SEZ6L2: variants seen among roughly 807,000 people sequenced by gnomAD.
The protein encoded by SEZ6L2 is seizure 6-like protein 2.
In SEZ6L2, 44 loss-of-function variants were observed where a neutral mutation model predicts 97.0. The observed-to-expected ratio is 0.45, with a 90% CI of 0.36 to 0.58. SEZ6L2 has a LOEUF of 0.58. Among genes scored for constraint, SEZ6L2 ranks in the 20% least tolerant of loss-of-function variants. The probability of loss-of-function intolerance (pLI) is 0.00; values close to 1 mark genes in which losing one functional copy is unlikely to be tolerated. For missense variants in SEZ6L2, 1,086 were observed against 1,233.3 expected (o/e 0.88, Z 1.79); for synonymous variants, 543 against 546.1 (o/e 0.99, Z 0.08).
chr16:29,893,373 G>A (rs186078879), intron 5 of SEZ6L2, among the ~76,000 whole-genome samples: 39 of 151,414 alleles, frequency 2.6e-4, no homozygotes, highest in African/African-American at 8.2e-4. Flanking sequence ...GAGGCCTGGC[G>A]TGGTGGCTCA....
chr16:29,887,323 C>A (rs2068164509), intron 7 of SEZ6L2, among the ~76,000 whole-genome samples: 1 of 148,548 alleles, frequency 6.7e-6, no homozygotes, highest in African/African-American at 2.5e-5. Context: ...TTTTTTGAGA[C>A]GGAGTCTCAT....
Position 29,895,346 on chromosome 16 carries a change from C to T in SEZ6L2, c.766G>A (p.Val256Ile), listed in dbSNP as rs1218118015. 1.1e-5 allele frequency: 18 copies of T among 1,614,186 alleles called. No homozygotes were observed. Among genetic ancestry groups the T allele is most frequent in the Non-Finnish European group, 1.5e-5 (18 of 1,180,044 alleles). ...AGCCGGTTGGTTGGGCTCCGAAGGA[C>T]TTGTCCTTCTCCAAGCATGGATGAG... ...ANSSMLGEGQ[V>I]LRSPTNRLLL... The change falls in exon 5 of 18, where the codon GTC becomes ATC. Residue 256 changes from valine to isoleucine, a missense_variant. By Grantham distance (29) the Val-to-Ile change is conservative. Transcript: ENST00000617533.
At chr16:29,880,769 T>A (rs866320326) in intron 8 of SEZ6L2, among the ~76,000 whole-genome samples, 37 of 151,176 alleles carry the variant, frequency 2.4e-4, no homozygotes, top group Non-Finnish European at 2.2e-4. Context: ...GGTTTTTTTT[T>A]AATTTTTTTA....
At chr16:29,881,458 A>C (rs989347998) in intron 8 of SEZ6L2, among the ~76,000 whole-genome samples, 70 of 152,202 alleles carry the variant, frequency 4.6e-4, no homozygotes, top group African/African-American at 1.7e-3. Context: ...CTGTTGCTGA[A>C]ACCCAAAATT....
At chr16:29,874,565 T>TGG (rs1440827182) in intron 12 of SEZ6L2, among the ~76,000 whole-genome samples, 7 of 95,160 alleles carry the variant, frequency 7.4e-5, no homozygotes, top group East Asian at 5.4e-4. Flanking sequence ...TTTTTTTTTT[T>TGG]TTTTTTTTTT....
At chr16:29,872,562 G>C (rs892004028) in intron 15 of SEZ6L2, 36 bp from the exon 16 acceptor site, 2 of 1,608,418 alleles carry the variant, frequency 1.2e-6, no homozygotes, top group Admixed American at 3.3e-5. Context: ...GCTGTGGCTG[G>C]GCCCGGTCCT....
chr16:29,871,573 A>T lies in SEZ6L2; in HGVS notation c.*126T>A. 1 of 930,810 alleles carries T rather than the reference A, an allele frequency of 1.1e-6. No homozygotes were observed. 57.7% of individuals were successfully genotyped at this position (930,810 alleles called of 1,614,324 possible). The stretch of plus-strand genomic sequence containing the variant: ...AGGGCCATCAAAGCCCCCTCGTGGG[A>T]TAGGGAGACTATTTACACAGCCAGG... On this transcript the variant is annotated 3_prime_UTR_variant, in exon 18 of 18. Transcript: ENST00000617533.
At chr16:29,887,514 G>A (rs1281703921) in intron 7 of SEZ6L2, 135 bp downstream of exon 7, 24 of 660,816 alleles carry the variant, frequency 3.6e-5, no homozygotes, top group South Asian at 2.4e-4. Flanking sequence ...GGGTTTCACC[G>A]TGTTAGCCAG....
chr16:29,890,468 G>A (rs989622487), intron 5 of SEZ6L2, among the ~76,000 whole-genome samples: 7 of 152,158 alleles, frequency 4.6e-5, no homozygotes, highest in Non-Finnish European at 1.0e-4. Flanking sequence ...CCCTTCCATA[G>A]TTAAATGCAG....
Position 29,873,372 on chromosome 16 carries a change from T to G in SEZ6L2, c.2356A>C (p.Lys786Gln), listed in dbSNP as rs1443529731. 1.2e-6 allele frequency: 2 copies of G among 1,614,214 alleles called. No homozygotes were observed. Among genetic ancestry groups the G allele is most frequent in the Non-Finnish European group, 8.5e-7 (1 of 1,180,034 alleles). ...GACTCGCCCGCCTGGTAGTGGTGCT[T>G]GTACAGCGTCTGGTAGCCATTCTCG... ...VPENGYQTLY[K>Q]HHYQAGESLR... is the part of the protein sequence containing the mutation. The change falls in exon 14 of 18, where the codon AAG (lysine) becomes CAG (glutamine). Residue 786 changes from lysine (K) to glutamine (Q), a missense_variant. This residue lies in a region of SEZ6L2 where 310 missense variants were observed against 438.6 expected (regional missense o/e 0.71). Transcript: ENST00000617533. The surrounding 1 kb of genome is among the most constrained non-coding windows in gnomAD (Gnocchi z 4.3).
Position 29,877,470 on chromosome 16 carries a change from G to T in SEZ6L2, c.1713-3C>A. On this transcript the variant is annotated splice_polypyrimidine_tract_variant and splice_region_variant and intron_variant, in intron 10 of 17. Transcript: ENST00000617533. ...TGTCCCCTTCCCGCACATTCAATCT[G>T]CAGGGGGTGAGACCAGGCAATGGGG... 6.9e-6 allele frequency: 11 copies of T among 1,584,860 alleles called. No homozygotes were observed. In the South Asian group the frequency reaches 1.0e-4, roughly 15 times the overall value.
At chr16:29,898,090 A>C (rs369896434) in intron 1 of SEZ6L2, 106 bp from the exon 2 acceptor site, 24 of 1,519,794 alleles carry the variant, frequency 1.6e-5, no homozygotes, top group African/African-American at 1.1e-4. Context: ...CTGGGCCTGC[A>C]GGGGCTCAGA....
At position 29,897,052 on chromosome 16, in the gene SEZ6L2, C is replaced by G; in HGVS notation, c.281G>C (p.Arg94Pro). ...AGGCCCTGTCCCCGGCTCAGTGGCC[C>G]GTGGCAGGGAGGGCACTGCGAGAGT... ...GQTLAVPSLP[R>P]ATEPGTGPLT... Residue 94 changes from arginine to proline, a missense_variant, in exon 3 of 18, where the codon CGG becomes CCG. Physicochemically the swap from Arg to Pro is moderately radical, Grantham distance 103. Around this residue, in one of 2 missense-constraint regions of SEZ6L2, gnomAD observed 776 missense variants for 794.7 expected, o/e 0.98. Transcript: ENST00000617533. 6.3e-7 allele frequency: 1 copy of G among 1,580,952 alleles called. No individual in the cohort carries two copies. The highest frequency in any genetic ancestry group is 8.5e-7 in the Non-Finnish European group (1 of 1,170,838).
chr16:29,880,263 A>G, intron 8 of SEZ6L2, among the ~76,000 whole-genome samples, 199 bp from the exon 9 acceptor site: 1 of 151,762 alleles, frequency 6.6e-6, no homozygotes, highest in South Asian at 2.1e-4. Flanking sequence ...TCCAGGTTCA[A>G]GCAATTCTCA....
intron 5 of SEZ6L2, among the ~76,000 whole-genome samples, chr16:29,889,171 G>A (rs2068214809): frequency 6.6e-6 from 1 of 152,152 alleles, no homozygotes; most frequent in Non-Finnish European, 1.5e-5. Context: ...GGCTAGGCAT[G>A]CTGGCTCACG....
At position 29,896,139 on chromosome 16, in the gene SEZ6L2, C is replaced by G. The variant is rs2150816671; in HGVS notation, c.512-279G>C. ...CACCATGGTGAGACAATTTTTAAAA[C>G]TTTTTGTAGAAATGGGGTCTTGCCA... On this transcript the variant is annotated intron_variant, in intron 3 of 17. Coordinates refer to ENST00000617533, the MANE Select transcript of SEZ6L2 (RefSeq NM_001243332.2). Among the ~76,000 whole-genome samples the G allele has an allele frequency of 1.3e-5, 2 of 152,168 alleles. 1 individual carries two copies. Among genetic ancestry groups the G allele is most frequent in the South Asian group, 4.1e-4 (2 of 4,820 alleles).
chr16:29,890,780 A>C (rs2068255805), intron 5 of SEZ6L2, among the ~76,000 whole-genome samples: 1 of 116,050 alleles, frequency 8.6e-6, no homozygotes, highest in African/African-American at 3.5e-5. Flanking sequence ...AGAGGGTCTC[A>C]CTCTGTCACC....
At chr16:29,880,982 T>G (rs2150790741) in intron 8 of SEZ6L2, among the ~76,000 whole-genome samples, 1 of 149,046 alleles carries the variant, frequency 6.7e-6, no homozygotes, top group African/African-American at 2.5e-5. Flanking sequence ...CCATGTTACT[T>G]AGGCTGGTCT....
In SEZ6L2 at chr16:29,887,829, G is replaced by A. The variant is rs749857351; in HGVS notation, c.1040-12C>T. The A allele has an allele frequency of 3.1e-6, 5 of 1,613,180 alleles. No individual in the cohort carries two copies. Among genetic ancestry groups the A allele is most frequent in the Non-Finnish European group, 3.4e-6 (4 of 1,179,834 alleles). On this transcript the variant is annotated splice_polypyrimidine_tract_variant and intron_variant, in intron 6 of 17. Transcript: ENST00000617533. ...GCCACCACAGGATGCTGTGGGCAGA[G>A]GAGGGGTACGTTAAGGCCAGCCTGA...
Sources: gnomAD v4.1 joint callset for allele counts (sites outside exome capture counted in the v4.1 genomes callset) on GRCh38, gnomAD v4.1.1 for gene constraint, gnomAD v4.1.1 regional missense constraint, Gnocchi (gnomAD v3.1) non-coding constraint, MANE v1.5 for transcripts, NCBI Gene and HGNC (gene_info 2026-07-23, HGNC 2026-07-21) for gene names.